KCNIP3: variants seen among roughly 807,000 people sequenced by gnomAD.
KCNIP3 encodes the protein calsenilin.
A neutral mutation model predicts 35.0 loss-of-function variants in KCNIP3; 28 were observed. The observed-to-expected ratio is 0.80, with a 90% CI of 0.59 to 1.10. The LOEUF (loss-of-function observed/expected upper bound fraction) is 1.10. Among genes scored for constraint, KCNIP3 ranks in the 50% least tolerant of loss-of-function variants. The pLI is 0.00. For synonymous variants in KCNIP3, 134 were observed against 133.8 expected (o/e 1.00, Z -0.01); for missense variants, 295 against 338.4 (o/e 0.87, Z 1.01).
intron 5 of KCNIP3, among the ~76,000 whole-genome samples, chr2:95,380,020 C>T (rs557531502): frequency 2.0e-5 from 3 of 152,214 alleles, no homozygotes; most frequent in South Asian, 2.1e-4. Context: ...TGTTTTCTCC[C>T]GTTCTTCCCG....
chr2:95,381,508 G>C, intron 5 of KCNIP3, 88 bp from the exon 6 acceptor site: 1 of 938,226 alleles, frequency 1.1e-6, no homozygotes. Flanking sequence ...TGTTGGAGGC[G>C]TGAATTTCAG....
intron 5 of KCNIP3, among the ~76,000 whole-genome samples, chr2:95,380,301 A>T (rs1222471734): frequency 6.6e-6 from 1 of 152,080 alleles, no homozygotes; most frequent in East Asian, 1.9e-4. Flanking sequence ...TTGTTGTCAA[A>T]TTTTTTTCTC....
intron 2 of KCNIP3, among the ~76,000 whole-genome samples, chr2:95,318,753 G>A (rs746410952): frequency 3.3e-5 from 5 of 152,284 alleles, no homozygotes; most frequent in Non-Finnish European, 7.3e-5. Flanking sequence ...CCTGAAAGGA[G>A]TGAGCATCAG....
chr2:95,333,552 C>T (rs139915175), intron 2 of KCNIP3, among the ~76,000 whole-genome samples: 22 of 152,314 alleles, frequency 1.4e-4, no homozygotes, highest in African/African-American at 4.1e-4. Flanking sequence ...CCTCAGAGCA[C>T]GTGCTCAGGA....
chr2:95,323,933 C>T (rs1432954951), intron 2 of KCNIP3, among the ~76,000 whole-genome samples: 1 of 152,202 alleles, frequency 6.6e-6, no homozygotes, highest in Non-Finnish European at 1.5e-5. Flanking sequence ...GAGGGGAGGG[C>T]TGCCAGGGCC....
chr2:95,352,039 G>A (rs939954211), intron 2 of KCNIP3, among the ~76,000 whole-genome samples: 7 of 152,152 alleles, frequency 4.6e-5, no homozygotes, highest in African/African-American at 1.7e-4. Flanking sequence ...GAGGTGGGCA[G>A]ATCACTTGAG....
chr2:95,348,156 A>T (rs947555302), intron 2 of KCNIP3, among the ~76,000 whole-genome samples: 6 of 152,212 alleles, frequency 3.9e-5, no homozygotes, highest in African/African-American at 1.4e-4. Context: ...TGGTGAGTGT[A>T]TGAGGCCCAG....
At chr2:95,328,779 G>C (rs1678853131) in intron 2 of KCNIP3, among the ~76,000 whole-genome samples, 1 of 152,268 alleles carries the variant, frequency 6.6e-6, no homozygotes, top group Non-Finnish European at 1.5e-5. Flanking sequence ...AGACTCTTGG[G>C]GTGGGGAAGA....
chr2:95,325,288 C>G (rs1388938429), intron 2 of KCNIP3, among the ~76,000 whole-genome samples: 1 of 152,184 alleles, frequency 6.6e-6, no homozygotes, highest in Non-Finnish European at 1.5e-5. Flanking sequence ...GGTGCAGGAG[C>G]TCACCTGAGC....
intron 1 of KCNIP3, among the ~76,000 whole-genome samples, chr2:95,299,353 C>T (rs1677960559): frequency 2.0e-5 from 3 of 152,216 alleles, no homozygotes; most frequent in Non-Finnish European, 2.9e-5. Flanking sequence ...AAATAACCTT[C>T]CTCTCTTGTG....
rs546960348 is a variant in KCNIP3, at chr2:95,380,689, A to G, written c.448-907A>G. On this transcript the variant is annotated intron_variant, in intron 5 of 8. Coordinates refer to ENST00000295225, the MANE Select transcript of KCNIP3 (RefSeq NM_013434.5). Reference sequence around the variant, plus strand: ...GTTTCCCATGCCAAAGGCGATGGCCACACACAGCATGTCATGACTCAAGAG... The same window carrying G: ...GTTTCCCATGCCAAAGGCGATGGCCGCACACAGCATGTCATGACTCAAGAG... Among the ~76,000 whole-genome samples, 10 of 152,324 alleles carry G rather than the reference A, an allele frequency of 6.6e-5. No homozygotes were observed. In the South Asian group the frequency reaches 1.2e-3, roughly 19 times the overall value.
chr2:95,375,290 C>A, intron 5 of KCNIP3, 82 bp downstream of exon 5: 1 of 1,273,120 alleles, frequency 7.9e-7, no homozygotes, highest in Non-Finnish European at 1.1e-6. Flanking sequence ...ACTGTCAGGG[C>A]TGTCGAGAGA....
intron 2 of KCNIP3, among the ~76,000 whole-genome samples, chr2:95,326,052 C>T (rs1678767089): frequency 6.6e-6 from 1 of 151,662 alleles, no homozygotes; most frequent in Non-Finnish European, 1.5e-5. Context: ...CATATACACA[C>T]ACACATACAC....
At position 95,317,933 on chromosome 2, in the gene KCNIP3, C is replaced by T. The variant is rs79315334; in HGVS notation, c.181+7413C>T. Among the ~76,000 whole-genome samples, 341 of 152,248 alleles carry T rather than the reference C, an allele frequency of 2.2e-3. 1 individual carries two copies. Among genetic ancestry groups the T allele is most frequent in the African/African-American group, 7.6e-3 (314 of 41,552 alleles). The stretch of plus-strand genomic sequence containing the variant: ...GGGAGGCATCATCAGCGTCTTCTTC[C>T]GCTTCATCTCTGGGAACCTGGCTGG... On this transcript the variant is annotated intron_variant, in intron 2 of 8. Transcript: ENST00000295225.
At position 95,382,321 on chromosome 2, in the gene KCNIP3, G is replaced by A. The variant is rs1680368171; in HGVS notation, c.556-56G>A. 1 of 1,229,456 alleles carries A rather than the reference G, an allele frequency of 8.1e-7. No individual in the cohort carries two copies. Among genetic ancestry groups the A allele is most frequent in the Non-Finnish European group, 1.1e-6 (1 of 881,534 alleles). 76.2% of individuals were successfully genotyped at this position (1,229,456 alleles called of 1,614,324 possible). A position where few individuals can be genotyped will look rare whatever the true frequency, so the allele number is the denominator to read the frequency against. On this transcript the variant is annotated intron_variant, in intron 6 of 8. Coordinates refer to ENST00000295225, the MANE Select transcript of KCNIP3 (RefSeq NM_013434.5). This position sits in a 1 kb window ranked among gnomAD's most constrained non-coding sequence, Gnocchi z 4.5. ...CCCTTGGATGCCGCCCGCTCCCTTTGGGCCCTCACAGCCACCCCGGCCTTG... is the reference window on the plus strand; with the variant it reads ...CCCTTGGATGCCGCCCGCTCCCTTTAGGCCCTCACAGCCACCCCGGCCTTG...
chr2:95,351,964 G>T (rs1679536003), intron 2 of KCNIP3, among the ~76,000 whole-genome samples: 1 of 152,134 alleles, frequency 6.6e-6, no homozygotes, highest in African/African-American at 2.4e-5. Flanking sequence ...GGAGTCACCA[G>T]AGAAGAGGGT....
At chr2:95,355,274 A>G (rs1679628638) in intron 2 of KCNIP3, 1 of 152,160 alleles carries the variant, frequency 6.6e-6, no homozygotes, top group African/African-American at 2.4e-5. Context: ...TGGTGTGGAG[A>G]CTGCATGTGT....
At chr2:95,367,090 T>C (rs1679935015) in intron 2 of KCNIP3, among the ~76,000 whole-genome samples, 1 of 152,008 alleles carries the variant, frequency 6.6e-6, no homozygotes, top group African/African-American at 2.4e-5. Flanking sequence ...CTCGCCAACA[T>C]GGTGAAATCC....
At chr2:95,321,269 G>A (rs530726574) in intron 2 of KCNIP3, among the ~76,000 whole-genome samples, 8 of 152,190 alleles carry the variant, frequency 5.3e-5, no homozygotes, top group Non-Finnish European at 8.8e-5. Flanking sequence ...CTCTCGTGCT[G>A]TTCCTGGCTG....
Sources: allele counts gnomAD v4.1 joint callset (sites outside exome capture counted in the v4.1 genomes callset), GRCh38; gene constraint gnomAD v4.1.1; non-coding constraint Gnocchi (gnomAD v3.1); transcripts MANE v1.5; gene names NCBI Gene and HGNC (gene_info 2026-07-23, HGNC 2026-07-21).